Variants in TMEM132B observed in about 807,000 individuals in gnomAD.
TMEM132B encodes the protein transmembrane protein 132B.
In TMEM132B, 18 loss-of-function variants were observed where a neutral mutation model predicts 90.8. The ratio of observed to expected loss-of-function variants is 0.20; its 90% CI spans 0.14 to 0.29. TMEM132B has a LOEUF of 0.29. Ranked by LOEUF, TMEM132B falls within the 10% of genes least tolerant of loss-of-function variation. The pLI is 1.00. For synonymous variants in TMEM132B, 504 were observed against 523.3 expected (o/e 0.96, Z 0.50); for missense variants, 1,096 against 1,326.8 (o/e 0.83, Z 2.70).
At chr12:125,429,711 A>C (rs116063819) in intron 3 of TMEM132B, among the ~76,000 whole-genome samples, 350 of 152,112 alleles carry the variant, frequency 2.3e-3, no homozygotes, top group African/African-American at 8.2e-3. Context: ...AACTGAGGTT[A>C]TAGGTTTATT....
At chr12:125,519,387 T>C in intron 3 of TMEM132B, 52 bp from the exon 4 acceptor site, 1 of 1,514,294 alleles carries the variant, frequency 6.6e-7, no homozygotes, top group Non-Finnish European at 8.9e-7. Flanking sequence ...TTCTTGACAT[T>C]TTGCTGAGTC....
intron 2 of TMEM132B, among the ~76,000 whole-genome samples, chr12:125,363,118 T>C (rs395489): frequency 0.84 from 128,193 of 152,178 alleles, 54,311 homozygotes; most frequent in East Asian, 0.98. Context: ...GGCTCAGAGC[T>C]TGGAGCCTGG....
intron 2 of TMEM132B, among the ~76,000 whole-genome samples, chr12:125,399,510 T>TGTGTGTGTGTGG (rs1385493962): frequency 7.2e-6 from 1 of 139,830 alleles, no homozygotes; most frequent in Admixed American, 7.6e-5. Context: ...TGTGTGTGTG[T>TGTGTGTGTGTGG]GTGTGTGTAT....
chr12:125,256,499 T>C (rs989132865), intron 1 of TMEM132B, among the ~76,000 whole-genome samples: 5 of 152,160 alleles, frequency 3.3e-5, no homozygotes, highest in African/African-American at 1.2e-4. Context: ...TTAAGTTTTA[T>C]TGGAACACAG....
intron 1 of TMEM132B, among the ~76,000 whole-genome samples, chr12:125,216,122 A>G (rs1314023918): frequency 6.6e-6 from 1 of 152,238 alleles, no homozygotes; most frequent in Non-Finnish European, 1.5e-5. Context: ...ATAAGAAAAT[A>G]CCACACAGAG....
rs551112500 is a variant in TMEM132B at position 125,251,041 on chromosome 12, C to T, written c.67+64175C>T. Among the ~76,000 whole-genome samples, 5 of 152,184 alleles carry T rather than the reference C, an allele frequency of 3.3e-5. No individual in the cohort carries two copies. Among genetic ancestry groups the T allele is most frequent in the South Asian group, 4.1e-4 (2 of 4,820 alleles). On this transcript the variant is annotated intron_variant, in intron 1 of 8. Transcript: ENST00000682704. The surrounding 1 kb of genome is among the most constrained non-coding windows in gnomAD (Gnocchi z 4.4). ...TTCTCTAAAAAGAAGAGATCATTTC[C>T]GACTATTGCTAATTTAACAATAAGT... is the stretch of plus-strand genomic sequence containing the variant.
chr12:125,524,280 C>T (rs1276211421), intron 4 of TMEM132B, among the ~76,000 whole-genome samples: 7 of 152,200 alleles, frequency 4.6e-5, no homozygotes, highest in Non-Finnish European at 1.0e-4. Flanking sequence ...GGGAAAATGT[C>T]CCAGATAGGG....
chr12:125,187,816 A>G (rs1481783096), intron 1 of TMEM132B, among the ~76,000 whole-genome samples: 1 of 131,326 alleles, frequency 7.6e-6, no homozygotes, highest in Non-Finnish European at 1.6e-5. Flanking sequence ...CTAAAGGCTC[A>G]GATGAACCCC....
chr12:125,189,534 G>T (rs1957783282), intron 1 of TMEM132B, among the ~76,000 whole-genome samples: 1 of 152,058 alleles, frequency 6.6e-6, no homozygotes, highest in Admixed American at 6.5e-5. Flanking sequence ...TGATGGGGGG[G>T]GTGCCTGTGT....
At chr12:125,330,304 A>G (rs1427417645) in intron 1 of TMEM132B, among the ~76,000 whole-genome samples, 1 of 149,584 alleles carries the variant, frequency 6.7e-6, no homozygotes, top group Non-Finnish European at 1.5e-5. Flanking sequence ...CTGGTCCCAT[A>G]GAGTAGTCGT....
chr12:125,484,511 G>A (rs191695416), intron 3 of TMEM132B, among the ~76,000 whole-genome samples: 2 of 152,264 alleles, frequency 1.3e-5, no homozygotes, highest in East Asian at 3.9e-4. Flanking sequence ...GATTGCTGCA[G>A]GCTTGGACAA....
At chr12:125,412,563 C>T (rs922732478) in intron 2 of TMEM132B, among the ~76,000 whole-genome samples, 1 of 152,106 alleles carries the variant, frequency 6.6e-6, no homozygotes, top group African/African-American at 2.4e-5. Context: ...GCCGGTCGTG[C>T]GCTATCGGGT....
At chr12:125,384,597 C>A (rs1476785477) in intron 2 of TMEM132B, among the ~76,000 whole-genome samples, 1 of 152,114 alleles carries the variant, frequency 6.6e-6, no homozygotes, top group African/African-American at 2.4e-5. Context: ...TTTACTATAG[C>A]CATCATTCTA....
At chr12:125,371,419 G>A (rs1292441549) in intron 2 of TMEM132B, among the ~76,000 whole-genome samples, 2 of 152,114 alleles carry the variant, frequency 1.3e-5, no homozygotes, top group African/African-American at 4.8e-5. Context: ...GGGTGTCAGG[G>A]GATTCTTTTC....
chr12:125,486,793 C>G (rs1320777820), intron 3 of TMEM132B, among the ~76,000 whole-genome samples: 3 of 152,136 alleles, frequency 2.0e-5, no homozygotes. Flanking sequence ...TTTTGACTGA[C>G]TTAATATCTT....
intron 1 of TMEM132B, among the ~76,000 whole-genome samples, chr12:125,293,488 T>C (rs1432989173): frequency 6.6e-6 from 1 of 152,204 alleles, no homozygotes; most frequent in African/African-American, 2.4e-5. Flanking sequence ...TCTATTGTTT[T>C]CATCTTTGTG....
intron 3 of TMEM132B, among the ~76,000 whole-genome samples, chr12:125,489,876 T>TC (rs1433170244): frequency 1.3e-5 from 2 of 152,236 alleles, no homozygotes; most frequent in Non-Finnish European, 2.9e-5. Context: ...TAATTCTCAG[T>TC]TGGTTCTGGA....
At chr12:125,328,365 T>A (rs1182320527) in intron 1 of TMEM132B, among the ~76,000 whole-genome samples, 1 of 152,210 alleles carries the variant, frequency 6.6e-6, no homozygotes, top group Non-Finnish European at 1.5e-5. Flanking sequence ...CTGGGAGCCT[T>A]CTTCCCCAAA....
At chr12:125,425,087 T>C (rs1880279704) in intron 3 of TMEM132B, among the ~76,000 whole-genome samples, 1 of 152,044 alleles carries the variant, frequency 6.6e-6, no homozygotes, top group African/African-American at 2.4e-5. Context: ...GAGGGCAGGT[T>C]TGAGACCAAG....
Sources: allele counts gnomAD v4.1 joint callset (sites outside exome capture counted in the v4.1 genomes callset), GRCh38; gene constraint gnomAD v4.1.1; non-coding constraint Gnocchi (gnomAD v3.1); transcripts MANE v1.5; gene names NCBI Gene and HGNC (gene_info 2026-07-23, HGNC 2026-07-21).